The following SPAG16 variants were observed in gnomAD, a reference collection of about 807,000 sequenced individuals.
SPAG16 encodes the protein sperm associated antigen 16, also known as sperm-associated antigen 16 protein.
Under a neutral mutation model 80.4 loss-of-function variants are expected in SPAG16, and 86 were observed. The ratio of observed to expected loss-of-function variants is 1.07; its 90% confidence interval spans 0.90 to 1.28. SPAG16 has a LOEUF of 1.28. SPAG16 is among the 50% of genes most tolerant of loss of function. SPAG16 has a pLI of 0.00. For synonymous variants in SPAG16, 294 were observed against 265.9 expected (o/e 1.11, Z -1.03); for missense variants, 870 against 765.3 (o/e 1.14, Z -1.61).
At chr2:214,227,702 ATGTG>A (rs3044944) in intron 15 of SPAG16, among the ~76,000 whole-genome samples, 25,448 of 145,602 alleles carry the variant, frequency 0.17, 2,200 homozygotes, top group Middle Eastern at 0.27. Context: ...TGGAAGGTGT[ATGTG>A]TGTGTGTGTG....
At chr2:214,166,615 C>A (rs1489718882) in intron 15 of SPAG16, among the ~76,000 whole-genome samples, 2 of 152,124 alleles carry the variant, frequency 1.3e-5, no homozygotes, top group African/African-American at 4.8e-5. Context: ...ATCTTTACCC[C>A]TTGGTAAATA....
chr2:214,299,615 T>A (rs978730881), intron 15 of SPAG16, among the ~76,000 whole-genome samples: 2 of 152,152 alleles, frequency 1.3e-5, no homozygotes, highest in Non-Finnish European at 2.9e-5. Context: ...TAGTAAAAAA[T>A]TTATTGGCAA....
chr2:214,358,270 G>A (rs1188065655), intron 15 of SPAG16, among the ~76,000 whole-genome samples: 1 of 151,742 alleles, frequency 6.6e-6, no homozygotes, highest in Non-Finnish European at 1.5e-5. Flanking sequence ...ACCCAAGCTT[G>A]GTTTTCTTTC....
In SPAG16 at chr2:213,490,060, T is replaced by C. The variant is rs772243061; in HGVS notation, c.1040T>C (p.Ile347Thr). ...AAATTTGACTACAAGCTGAAAAACA[T>C]TTTTAGACTCCATGAACTTCCAGTG... is the stretch of plus-strand genomic sequence containing the variant. ...PAKFDYKLKN[I>T]FRLHELPVSC... The change falls in exon 10 of 16, where the codon ATT (isoleucine) becomes ACT (threonine). Residue 347 changes from isoleucine to threonine, a missense_variant. Coordinates refer to ENST00000331683, the MANE Select transcript of SPAG16 (RefSeq NM_024532.5). The C allele has an allele frequency of 7.5e-6, 12 of 1,604,328 alleles. No individual in the cohort carries two copies. The highest frequency in any genetic ancestry group is 1.0e-5 in the Non-Finnish European group (12 of 1,175,738).
intron 15 of SPAG16, among the ~76,000 whole-genome samples, chr2:214,174,637 A>G (rs1394381337): frequency 1.3e-5 from 2 of 151,774 alleles, no homozygotes; most frequent in African/African-American, 4.8e-5. Context: ...GCTTAACATC[A>G]TCAATATTTA....
At chr2:214,133,765 A>G (rs935922223) in intron 14 of SPAG16, among the ~76,000 whole-genome samples, 4 of 152,200 alleles carry the variant, frequency 2.6e-5, no homozygotes, top group African/African-American at 9.6e-5. Flanking sequence ...ACAGGCTAAA[A>G]TAAGGGATTT....
intron 13 of SPAG16, among the ~76,000 whole-genome samples, chr2:214,084,722 A>C (rs1483463064): frequency 6.6e-6 from 1 of 152,204 alleles, no homozygotes; most frequent in Non-Finnish European, 1.5e-5. Flanking sequence ...CCCTACTTCA[A>C]TAAGTGACAC....
chr2:213,558,575 T>C (rs1442914604), intron 10 of SPAG16, among the ~76,000 whole-genome samples: 1 of 151,994 alleles, frequency 6.6e-6, no homozygotes, highest in Non-Finnish European at 1.5e-5. Context: ...ACCTAACCAC[T>C]TAAAAGATAA....
chr2:213,845,954 C>T (rs1406320142), intron 10 of SPAG16, among the ~76,000 whole-genome samples: 1 of 152,162 alleles, frequency 6.6e-6, no homozygotes, highest in Admixed American at 6.6e-5. Flanking sequence ...GTTGGGGTAG[C>T]AGTGGGAAAG....
rs182902258 is a variant in SPAG16 at position 213,797,772 on chromosome 2, G to T, written c.1071-64713G>T. On this transcript the variant is annotated intron_variant, in intron 10 of 15. Coordinates refer to ENST00000331683, the MANE Select transcript of SPAG16 (RefSeq NM_024532.5). ...AGTTTGGGGGCATTGTGAATAAGCT[G>T]CTGTGAGCATTTATGTACAAGTCTT... Among the ~76,000 whole-genome samples the T allele has an allele frequency of 3.0e-4, 45 of 152,338 alleles. 1 individual carries two copies. Among genetic ancestry groups the T allele is most frequent in the African/African-American group, 1.1e-3 (44 of 41,586 alleles).
chr2:213,802,964 G>C (rs554575988), intron 10 of SPAG16, among the ~76,000 whole-genome samples: 1 of 151,872 alleles, frequency 6.6e-6, no homozygotes, highest in South Asian at 2.1e-4. Flanking sequence ...AACTGAATAG[G>C]TAGTAATTGG....
chr2:214,008,809 T>C (rs555778066), intron 12 of SPAG16, among the ~76,000 whole-genome samples: 6 of 152,238 alleles, frequency 3.9e-5, no homozygotes, highest in African/African-American at 1.4e-4. Flanking sequence ...CTATATTAGG[T>C]TTTCTCCTGG....
chr2:213,333,559 A>G (rs1187416222), intron 5 of SPAG16, among the ~76,000 whole-genome samples: 1 of 152,194 alleles, frequency 6.6e-6, no homozygotes, highest in Non-Finnish European at 1.5e-5. Flanking sequence ...ATCCTAAGCA[A>G]AGAGAACAAA....
intron 10 of SPAG16, among the ~76,000 whole-genome samples, chr2:213,725,110 C>A (rs1046686661): frequency 1.3e-5 from 2 of 151,894 alleles, no homozygotes; most frequent in Non-Finnish European, 2.9e-5. Context: ...TGGCTCACTG[C>A]AGTCTCAAAC....
chr2:213,725,615 G>C (rs538457265), intron 10 of SPAG16, among the ~76,000 whole-genome samples: 1 of 152,244 alleles, frequency 6.6e-6, no homozygotes, highest in East Asian at 1.9e-4. Context: ...ATTTATTAGG[G>C]GAATTTACAT....
intron 13 of SPAG16, among the ~76,000 whole-genome samples, chr2:214,106,525 T>C (rs774915538): frequency 6.6e-6 from 1 of 152,138 alleles, no homozygotes; most frequent in African/African-American, 2.4e-5. Context: ...ATTCTTTAAA[T>C]TGATATTTGG....
At chr2:213,436,665 A>T (rs982834666) in intron 9 of SPAG16, among the ~76,000 whole-genome samples, 1 of 151,964 alleles carries the variant, frequency 6.6e-6, no homozygotes, top group African/African-American at 2.4e-5. Context: ...TGAGAAATTA[A>T]ATTATATGAA....
intron 10 of SPAG16, among the ~76,000 whole-genome samples, chr2:213,573,293 C>G (rs958095339): frequency 2.6e-5 from 4 of 152,246 alleles, no homozygotes; most frequent in Admixed American, 2.6e-4. Flanking sequence ...CTAATCACCT[C>G]AGATTTCAGT....
chr2:214,319,946 C>T (rs1228485315), intron 15 of SPAG16, among the ~76,000 whole-genome samples: 1 of 152,070 alleles, frequency 6.6e-6, no homozygotes, highest in East Asian at 1.9e-4. Context: ...GAGCATTTCT[C>T]TACTGCCTCA....
Sources: allele counts gnomAD v4.1 joint callset (sites outside exome capture counted in the v4.1 genomes callset), GRCh38; gene constraint gnomAD v4.1.1; transcripts MANE v1.5; gene names NCBI Gene and HGNC (gene_info 2026-07-23, HGNC 2026-07-21).